Variants in MINAR2 observed in about 807,000 individuals in gnomAD.
MINAR2 encodes the protein membrane integral NOTCH2 associated receptor 2, also known as major intrinsically disordered NOTCH2-binding receptor 1-like.
In MINAR2, 21 loss-of-function variants were observed where a neutral mutation model predicts 16.1. That is an observed-to-expected ratio of 1.31 (90% CI 0.93 to 1.88). MINAR2 has a LOEUF of 1.88. MINAR2 is among the 40% of genes most tolerant of loss of function. The pLI, the probability that MINAR2 is intolerant of heterozygous loss-of-function variation, is 0.00. For synonymous variants in MINAR2, 86 were observed against 83.0 expected (o/e 1.04, Z -0.20); for missense variants, 259 against 229.8 (o/e 1.13, Z -0.82).
In MINAR2 at chr5:129,748,216, A is replaced by G. The variant is rs1266439833; in HGVS notation, c.26A>G (p.Asn9Ser). 2.3e-5 allele frequency: 36 copies of G among 1,535,140 alleles called. No homozygotes were observed. The highest frequency in any genetic ancestry group is 7.8e-5 in the Admixed American group (4 of 50,982). Residue 9 changes from asparagine (N) to serine (S), a missense_variant, in exon 1 of 3, where the codon AAC (asparagine) becomes AGC (serine). Transcript: ENST00000564719. MDLSVLPNNNHPDKFLQLD... is the reference protein window; with the variant it reads MDLSVLPNSNHPDKFLQLD... ...ATGGATCTCTCTGTTTTGCCAAATA[A>G]CAACCATCCTGACAAATTCCTGCAG...
Position 129,760,572 on chromosome 5 carries a change from T to C in MINAR2, c.360T>C (p.His120=). 6.5e-7 allele frequency: 1 copy of C among 1,535,176 alleles called. No homozygotes were observed. The highest frequency in any genetic ancestry group is 8.7e-7 in the Non-Finnish European group (1 of 1,146,250). The change falls in exon 2 of 3, where the codon CAT becomes CAC. Residue 120 remains histidine, a synonymous_variant. Transcript: ENST00000564719. ...GGACCATTGAGGAATATGACAAACA[T>C]TCCCTGCACACAAACCTCTCTGGAC... ...PSWTIEEYDK[H]SLHTNLSGHL...
intron 1 of MINAR2, among the ~76,000 whole-genome samples, chr5:129,755,404 T>C (rs1336422665): frequency 6.6e-6 from 1 of 152,138 alleles, no homozygotes; most frequent in Non-Finnish European, 1.5e-5. Context: ...TAATAAATTA[T>C]ATATTTTGAG....
Position 129,764,934 on chromosome 5 carries a change from T to C in MINAR2, c.444T>C (p.Gly148=), listed in dbSNP as rs1463336256. 5.7e-6 allele frequency: 8 copies of C among 1,395,364 alleles called. No individual in the cohort carries two copies. The highest frequency in any genetic ancestry group is 7.4e-6 in the Non-Finnish European group (8 of 1,075,660). The allele number at this position is 1,395,364 out of a possible 1,614,324, so 86.4% of individuals were successfully genotyped here. A position where few individuals can be genotyped will look rare whatever the true frequency, so the allele number is the denominator to read the frequency against. Residue 148 remains glycine (G), a synonymous_variant, in exon 3 of 3, where the codon GGT becomes GGC. Transcript: ENST00000564719. ...GGTTGGGAGACATGTACACTCCAGGTTTTGACACTTTATTGAAAAAGGAAG... is the reference window on the plus strand; with the variant it reads ...GGTTGGGAGACATGTACACTCCAGGCTTTGACACTTTATTGAAAAAGGAAG... ...RFWLGDMYTP[G]FDTLLKKEEK... is the part of the protein sequence containing the mutation.
intron 1 of MINAR2, among the ~76,000 whole-genome samples, chr5:129,756,615 G>C (rs555582010): frequency 3.2e-4 from 49 of 152,052 alleles, no homozygotes; most frequent in African/African-American, 1.2e-3. Context: ...TAGAATAATA[G>C]TCTCCAATCT....
intron 1 of MINAR2, among the ~76,000 whole-genome samples, chr5:129,752,874 T>C (rs1043178447): frequency 6.6e-6 from 1 of 152,150 alleles, no homozygotes; most frequent in Admixed American, 6.5e-5. Context: ...TTATATCTTT[T>C]CCTGGCTTCT....
rs2149544142 is a variant in MINAR2, at chr5:129,748,197, C to A, written c.7C>A (p.Leu3Ile). 6.5e-7 allele frequency: 1 copy of A among 1,534,958 alleles called. No individual in the cohort carries two copies. The highest frequency in any genetic ancestry group is 8.7e-7 in the Non-Finnish European group (1 of 1,146,392). The stretch of plus-strand genomic sequence containing the variant: ...ACTGTAGGTGAAGGGAGACATGGAT[C>A]TCTCTGTTTTGCCAAATAACAACCA... MD[L>I]SVLPNNNHPD... Residue 3 changes from leucine (L) to isoleucine (I), a missense_variant, in exon 1 of 3, where the codon CTC (leucine) becomes ATC (isoleucine). Leu to Ile is a conservative substitution (Grantham distance 5, BLOSUM62 2). Coordinates refer to ENST00000564719, the MANE Select transcript of MINAR2 (RefSeq NM_001257308.2).
intron 1 of MINAR2, among the ~76,000 whole-genome samples, chr5:129,757,604 A>G (rs1206098871): frequency 6.6e-6 from 1 of 151,714 alleles, no homozygotes; most frequent in Non-Finnish European, 1.5e-5. Flanking sequence ...GTCTTTTTAA[A>G]GATTGTTTAG....
intron 1 of MINAR2, among the ~76,000 whole-genome samples, chr5:129,758,986 GA>G (rs71800633): frequency 5.9e-5 from 9 of 151,748 alleles, no homozygotes; most frequent in African/African-American, 1.9e-4. Context: ...CTAAGTATGT[GA>G]AAAATGCATG....
chr5:129,750,786 A>G (rs1757976081), intron 1 of MINAR2, among the ~76,000 whole-genome samples: 1 of 152,158 alleles, frequency 6.6e-6, no homozygotes, highest in African/African-American at 2.4e-5. Flanking sequence ...TGAAGGGGTG[A>G]GTGTATATGT....
At chr5:129,752,335 A>G (rs567730446) in intron 1 of MINAR2, among the ~76,000 whole-genome samples, 8 of 152,312 alleles carry the variant, frequency 5.3e-5, no homozygotes, top group Admixed American at 6.5e-5. Flanking sequence ...ATGTCCATCA[A>G]TGTTAGAGTG....
chr5:129,762,171 A>G (rs1433526407), intron 2 of MINAR2, among the ~76,000 whole-genome samples: 2 of 152,134 alleles, frequency 1.3e-5, no homozygotes, highest in Admixed American at 6.5e-5. Context: ...CCCATAACAT[A>G]AAGTAAAAAA....
At chr5:129,748,386 T>G in intron 1 of MINAR2, 31 bp downstream of exon 1, 1 of 1,525,764 alleles carries the variant, frequency 6.6e-7, no homozygotes, top group South Asian at 1.2e-5. Context: ...AATACGGGGA[T>G]GGAGGCTTGT....
rs1024634495 is a variant in MINAR2, at chr5:129,760,171, G to T, written c.166-207G>T. On this transcript the variant is annotated intron_variant, in intron 1 of 2. Coordinates refer to ENST00000564719, the MANE Select transcript of MINAR2 (RefSeq NM_001257308.2). ...AGCATTTTAATGAATGATTAGTAAA[G>T]CTGTTCAAGATCACACACAAAGAAA... is the stretch of plus-strand genomic sequence containing the variant. 2.0e-5 allele frequency among the ~76,000 whole-genome samples: 3 copies of T among 152,114 alleles called. 1 individual carries two copies. Among genetic ancestry groups the T allele is most frequent in the Non-Finnish European group, 4.4e-5 (3 of 68,016 alleles).
chr5:129,748,184 G>A lies in MINAR2; in HGVS notation c.-7G>A, dbSNP rs1281710420. ...GTCTTTGTTTTCCACTGTAGGTGAA[G>A]GGAGACATGGATCTCTCTGTTTTGC... On this transcript the variant is annotated 5_prime_UTR_variant, in exon 1 of 3. Transcript: ENST00000564719. 5 of 1,534,574 alleles carry A rather than the reference G, an allele frequency of 3.3e-6. No homozygotes were observed. The South Asian group carries it at 6.0e-5, about 18-fold the overall frequency.
At chr5:129,760,690 G>C in intron 2 of MINAR2, 85 bp downstream of exon 2, 1 of 1,037,096 alleles carries the variant, frequency 9.6e-7, no homozygotes, top group Non-Finnish European at 1.4e-6. Flanking sequence ...TGAAGTGACA[G>C]GTACTCTTCA....
chr5:129,762,215 T>C (rs1290096292), intron 2 of MINAR2, among the ~76,000 whole-genome samples: 1 of 152,020 alleles, frequency 6.6e-6, no homozygotes, highest in Non-Finnish European at 1.5e-5. Context: ...AAGATACACT[T>C]TACCTATATA....
intron 2 of MINAR2, among the ~76,000 whole-genome samples, chr5:129,763,464 A>G (rs1302892088): frequency 6.6e-6 from 1 of 152,216 alleles, no homozygotes; most frequent in African/African-American, 2.4e-5. Flanking sequence ...TTTATAAGCC[A>G]GAAAAGAGAA....
At chr5:129,754,916 T>C in intron 1 of MINAR2, among the ~76,000 whole-genome samples, 1 of 152,164 alleles carries the variant, frequency 6.6e-6, no homozygotes, top group Middle Eastern at 3.2e-3. Context: ...CTAGCATCCT[T>C]TTATTAATTC....
At position 129,760,361 on chromosome 5, in the gene MINAR2, G is replaced by T. The variant is rs148060398; in HGVS notation, c.166-17G>T. The T allele has an allele frequency of 6.5e-7, 1 of 1,528,578 alleles. No individual in the cohort carries two copies. The allele number at this position is 1,528,578 out of a possible 1,614,324, so 94.7% of individuals were successfully genotyped here. A position where few individuals can be genotyped will look rare whatever the true frequency, so the allele number is the denominator to read the frequency against. ...AAGGCCCGTTGCTAAGAGATGCCTT[G>T]TTTCTTTGCCTCTTAGAGGGAAAAG... On this transcript the variant is annotated splice_polypyrimidine_tract_variant and intron_variant, in intron 1 of 2. Coordinates refer to ENST00000564719, the MANE Select transcript of MINAR2 (RefSeq NM_001257308.2).
Sources: allele counts gnomAD v4.1 joint callset (sites outside exome capture counted in the v4.1 genomes callset), GRCh38; gene constraint gnomAD v4.1.1; transcripts MANE v1.5; gene names NCBI Gene and HGNC (gene_info 2026-07-23, HGNC 2026-07-21).